SYCP1: variants seen among roughly 807,000 people sequenced by gnomAD.
SYCP1 encodes the protein cancer/testis antigen 8.
In SYCP1, 64 loss-of-function variants were observed where a neutral mutation model predicts 153.1. The observed-to-expected ratio is 0.42, with a 90% CI of 0.34 to 0.51. SYCP1 has a LOEUF of 0.51. SYCP1 is among the 20% of genes least tolerant of loss of function. The pLI, the probability that SYCP1 is intolerant of heterozygous loss-of-function variation, is 0.06. For synonymous variants in SYCP1, 384 were observed against 341.8 expected (o/e 1.12, Z -1.36); for missense variants, 997 against 1,049.0 (o/e 0.95, Z 0.68).
intron 8 of SYCP1, among the ~76,000 whole-genome samples, chr1:114,866,091 G>A (rs1419262921): frequency 1.3e-5 from 2 of 152,018 alleles, no homozygotes; most frequent in Non-Finnish European, 2.9e-5. Flanking sequence ...CTTACTAAAG[G>A]ACATCTTGGT....
At chr1:114,872,924 G>A (rs1021052566) in intron 8 of SYCP1, among the ~76,000 whole-genome samples, 23 of 152,016 alleles carry the variant, frequency 1.5e-4, no homozygotes, top group Admixed American at 1.0e-3. Flanking sequence ...TGAGTGGCTG[G>A]GATTATGGGA....
intron 27 of SYCP1, among the ~76,000 whole-genome samples, chr1:114,964,422 G>A (rs1339192217): frequency 6.6e-6 from 1 of 151,976 alleles, no homozygotes; most frequent in Admixed American, 6.6e-5. Context: ...AATTGTTTTT[G>A]GTGTTTTAGT....
At chr1:114,993,645 T>G (rs1314848719) in intron 30 of SYCP1, among the ~76,000 whole-genome samples, 3 of 151,542 alleles carry the variant, frequency 2.0e-5, no homozygotes, top group African/African-American at 7.3e-5. Context: ...AAGTACTAAA[T>G]AAGTGTTAGC....
chr1:114,905,477 C>T (rs573091512), intron 16 of SYCP1, among the ~76,000 whole-genome samples: 39 of 152,202 alleles, frequency 2.6e-4, no homozygotes, highest in East Asian at 3.9e-4. Flanking sequence ...GCAGGATTTA[C>T]GGGAAGTACC....
At chr1:114,881,054 T>TATATATAC (rs1557767092) in intron 12 of SYCP1, among the ~76,000 whole-genome samples, 2 of 77,868 alleles carry the variant, frequency 2.6e-5, no homozygotes. Context: ...AATTTGTGTA[T>TATATATAC]ATACACACAC....
At chr1:114,950,173 A>G (rs140051087) in intron 27 of SYCP1, among the ~76,000 whole-genome samples, 109 of 152,342 alleles carry the variant, frequency 7.2e-4, no homozygotes, top group African/African-American at 2.5e-3. Flanking sequence ...GGATGCTTTA[A>G]GAGACACCAC....
At chr1:114,960,163 G>GTTTTT (rs757126453) in intron 27 of SYCP1, among the ~76,000 whole-genome samples, 106 of 109,456 alleles carry the variant, frequency 9.7e-4, no homozygotes, top group African/African-American at 1.4e-3. Context: ...TAGTTTGCTT[G>GTTTTT]TTTTTTTTTT....
chr1:114,888,237 ACT>A (rs1570705096), intron 15 of SYCP1, among the ~76,000 whole-genome samples: 1 of 151,980 alleles, frequency 6.6e-6, no homozygotes, highest in Admixed American at 6.6e-5. Flanking sequence ...CATATTCATA[ACT>A]CTTCATATCT....
At chr1:114,978,795 G>C (rs902653061) in intron 28 of SYCP1, among the ~76,000 whole-genome samples, 1 of 151,554 alleles carries the variant, frequency 6.6e-6, no homozygotes, top group Non-Finnish European at 1.5e-5. Context: ...CAGACACTGT[G>C]CTAGACACTT....
At chr1:114,956,258 G>A (rs1671426585) in intron 27 of SYCP1, among the ~76,000 whole-genome samples, 1 of 152,118 alleles carries the variant, frequency 6.6e-6, no homozygotes, top group East Asian at 1.9e-4. Context: ...GTGGTGGGGG[G>A]ACAGTCACAG....
chr1:114,881,060 C>T lies in SYCP1; in HGVS notation c.910+2858C>T, dbSNP rs632855. ...CAGTATTCCAATTTGTGTATATACA[C>T]ACACACACACACACACACACACACA... On this transcript the variant is annotated intron_variant, in intron 12 of 31. Transcript: ENST00000369522. Among the ~76,000 whole-genome samples, 440 of 48,960 alleles carry T rather than the reference C, an allele frequency of 9.0e-3. 4 individuals are homozygous for T. Among genetic ancestry groups the T allele is most frequent in the East Asian group, 0.061 (87 of 1,432 alleles). The allele number at this position is 48,960 out of a possible 152,430, so 32.1% of individuals were successfully genotyped here.
chr1:114,991,417 G>A (rs375090557), intron 30 of SYCP1, among the ~76,000 whole-genome samples: 2 of 151,720 alleles, frequency 1.3e-5, no homozygotes, highest in Admixed American at 6.6e-5. Flanking sequence ...ACAGAATATT[G>A]GCGAATCAAA....
chr1:114,970,799 T>C (rs1189854824), intron 27 of SYCP1, among the ~76,000 whole-genome samples: 3 of 152,168 alleles, frequency 2.0e-5, no homozygotes, highest in Non-Finnish European at 4.4e-5. Flanking sequence ...ACCAGCACCT[T>C]CTCCAGTGGA....
chr1:114,879,710 A>G (rs1025189881), intron 12 of SYCP1, among the ~76,000 whole-genome samples: 6 of 152,222 alleles, frequency 3.9e-5, no homozygotes, highest in Non-Finnish European at 1.5e-5. Context: ...CTGTAATTCT[A>G]TATGATTCCT....
Position 114,873,012 on chromosome 1 carries a change from T to G in SYCP1, c.599-1494T>G, listed in dbSNP as rs1478175113. Among the ~76,000 whole-genome samples the G allele has an allele frequency of 2.0e-5, 3 of 152,180 alleles. No individual in the cohort carries two copies. In the East Asian group the frequency reaches 5.8e-4, roughly 29 times the overall value. ...GTAGCATTTTTGTTTTGAGTCATTC[T>G]TAGAATTTTCACCTATCTCTTTAAA... On this transcript the variant is annotated intron_variant, in intron 8 of 31. Transcript: ENST00000369522.
At chr1:114,988,375 A>G (rs747623894) in intron 30 of SYCP1, among the ~76,000 whole-genome samples, 15 of 152,032 alleles carry the variant, frequency 9.9e-5, no homozygotes, top group Non-Finnish European at 2.2e-4. Context: ...TTTATAATCA[A>G]ACTGTTGGGA....
At chr1:114,899,043 C>T (rs1485652798) in intron 16 of SYCP1, among the ~76,000 whole-genome samples, 1 of 152,166 alleles carries the variant, frequency 6.6e-6, no homozygotes, top group East Asian at 1.9e-4. Context: ...ATTGGCTCTG[C>T]AAGTCAAGTT....
At chr1:114,903,528 G>T (rs1329470332) in intron 16 of SYCP1, among the ~76,000 whole-genome samples, 1 of 152,200 alleles carries the variant, frequency 6.6e-6, no homozygotes, top group Non-Finnish European at 1.5e-5. Flanking sequence ...AGTACATGAT[G>T]AAGTGAAAGA....
chr1:114,983,125 T>C (rs1673274010), intron 29 of SYCP1, among the ~76,000 whole-genome samples: 1 of 151,974 alleles, frequency 6.6e-6, no homozygotes, highest in African/African-American at 2.4e-5. Flanking sequence ...CTGCCTTAGC[T>C]TTCCATTCCT....
Sources: gnomAD v4.1 joint callset for allele counts (sites outside exome capture counted in the v4.1 genomes callset) on GRCh38, gnomAD v4.1.1 for gene constraint, MANE v1.5 for transcripts, NCBI Gene and HGNC (gene_info 2026-07-23, HGNC 2026-07-21) for gene names.